WT1: variants seen among roughly 807,000 people sequenced by gnomAD.
WT1 encodes the protein WT1 transcription factor.
A neutral mutation model predicts 60.8 loss-of-function variants in WT1; 8 were observed. That is an observed-to-expected ratio of 0.13 (90% CI 0.08 to 0.24). The LOEUF is 0.24. Ranked by LOEUF, WT1 falls within the 10% of genes least tolerant of loss-of-function variation. The probability of loss-of-function intolerance (pLI) is 1.00; values close to 1 mark genes in which losing one functional copy is unlikely to be tolerated. For synonymous variants in WT1, 312 were observed against 297.1 expected, an observed-to-expected ratio of 1.05 and a Z score of -0.52; for missense variants, 568 against 711.8, an observed-to-expected ratio of 0.80 and a Z score of 2.30.
intron 3 of WT1, among the ~76,000 whole-genome samples, chr11:32,418,603 T>A (rs1243329627): frequency 6.6e-6 from 1 of 152,182 alleles, no homozygotes; most frequent in Non-Finnish European, 1.5e-5. Context: ...GCATTTAATA[T>A]CCGATGTGTG....
At chr11:32,399,914 C>T (rs2132956199) in intron 6 of WT1, 34 bp downstream of exon 6, 1 of 1,608,556 alleles carries the variant, frequency 6.2e-7, no homozygotes, top group Non-Finnish European at 8.5e-7. Context: ...GGCAGTGCGG[C>T]CCCCTTCCCG....
In WT1 at chr11:32,414,885, A is replaced by G. The variant is rs1327212826; in HGVS notation, c.1016+1605T>C. Among the ~76,000 whole-genome samples the G allele has an allele frequency of 1.3e-5, 2 of 152,154 alleles. 1 individual carries two copies. Among genetic ancestry groups the G allele is most frequent in the African/African-American group, 4.8e-5 (2 of 41,506 alleles). ...GGGACTCCATATCAAAAAAAAAAAA[A>G]AAAAGAAATACATTTTTATTTCAGA... is the stretch of plus-strand genomic sequence containing the variant. On this transcript the variant is annotated intron_variant, in intron 5 of 9. Coordinates refer to ENST00000452863, the MANE Select transcript of WT1 (RefSeq NM_024426.6).
chr11:32,430,491 A>AGAGAGAGAGG lies in WT1; in HGVS notation c.662-1873_662-1872insCCTCTCTCTC, dbSNP rs757737927. 1.2e-5 allele frequency: 18 copies of AGAGAGAGAGG among 1,561,414 alleles called. No individual in the cohort carries two copies. The African/African-American group carries it at 2.4e-4, about 21-fold the overall frequency. On this transcript the variant is annotated intron_variant, in intron 1 of 9. Transcript: ENST00000452863. ...GAGAGAGAGAGAGAGAGAGAGAGAG[A>AGAGAGAGAGG]CGAAATAGAAGCTACGAAGAAGTTT...
chr11:32,411,575 G>T (rs184465287), intron 5 of WT1, among the ~76,000 whole-genome samples: 1 of 152,132 alleles, frequency 6.6e-6, no homozygotes, highest in African/African-American at 2.4e-5. Context: ...CCTTCTCTGC[G>T]TAGTTGTATT....
At chr11:32,408,431 C>A (rs1852388944) in intron 5 of WT1, among the ~76,000 whole-genome samples, 1 of 142,942 alleles carries the variant, frequency 7.0e-6, no homozygotes, top group Middle Eastern at 3.5e-3. Context: ...AGGAGAATCA[C>A]TTGAACCCAG....
chr11:32,391,615 G>C (rs1029439861), intron 9 of WT1, among the ~76,000 whole-genome samples: 1 of 152,176 alleles, frequency 6.6e-6, no homozygotes, highest in Non-Finnish European at 1.5e-5. Context: ...TAAATATTTG[G>C]CTTGCTAGAA....
intron 1 of WT1, chr11:32,430,763 G>T: frequency 1.5e-6 from 2 of 1,335,796 alleles, no homozygotes; most frequent in South Asian, 2.3e-5. Flanking sequence ...GGCAAAGACC[G>T]GCCTCAAACC....
intron 5 of WT1, among the ~76,000 whole-genome samples, chr11:32,415,721 G>T (rs530740765): frequency 1.3e-5 from 2 of 152,316 alleles, no homozygotes; most frequent in South Asian, 4.1e-4. Flanking sequence ...AGACAGGAGA[G>T]AAATAATTTA....
intron 6 of WT1, among the ~76,000 whole-genome samples, chr11:32,397,077 A>G (rs1448788545): frequency 6.6e-6 from 1 of 152,200 alleles, no homozygotes; most frequent in African/African-American, 2.4e-5. Flanking sequence ...CGTCCTTTGC[A>G]GGGCATCTGT....
At position 32,389,068 on chromosome 11, in the gene WT1, A is replaced by G. The variant is rs774228907; in HGVS notation, c.1559T>C (p.Leu520Pro). Residue 520 changes from leucine to proline, a missense_variant, in exon 10 of 10, where the codon CTG becomes CCG. Leu to Pro is a moderately conservative substitution (Grantham distance 98). This residue lies in a region of WT1 where 29 missense variants were observed against 46.8 expected (regional missense o/e 0.62). Transcript: ENST00000452863. ...CCCGAGGGAGACCCCTCAAAGCGCC[A>G]GCTGGAGTTTGGTCATGTTTCTCTG... The G allele has an allele frequency of 2.4e-5, 39 of 1,614,126 alleles. No individual in the cohort carries two copies. Among genetic ancestry groups the G allele is most frequent in the Non-Finnish European group, 3.1e-5 (36 of 1,180,038 alleles).
intron 3 of WT1, among the ~76,000 whole-genome samples, chr11:32,423,977 A>G (rs952249098): frequency 4.6e-5 from 7 of 152,190 alleles, no homozygotes; most frequent in Admixed American, 1.3e-4. Flanking sequence ...CCTGGCTAAC[A>G]CGGTGAAACC....
At chr11:32,398,422 C>T (rs534371896) in intron 6 of WT1, among the ~76,000 whole-genome samples, 38 of 152,334 alleles carry the variant, frequency 2.5e-4, no homozygotes, top group South Asian at 4.1e-4. Flanking sequence ...GGAAGGCAGA[C>T]TGAAGGTCTA....
intron 1 of WT1, chr11:32,428,825 C>G (rs991472636): frequency 1.5e-5 from 11 of 713,812 alleles, no homozygotes; most frequent in Non-Finnish European, 2.6e-5. Context: ...ACAGGCTTCT[C>G]CATCCTTTTC....
intron 1 of WT1, among the ~76,000 whole-genome samples, chr11:32,431,713 C>T (rs1188281247): frequency 6.6e-6 from 1 of 151,984 alleles, no homozygotes; most frequent in Non-Finnish European, 1.5e-5. Context: ...GCGTCCGGCC[C>T]AAGCAAGCTT....
At chr11:32,390,473 A>T (rs1851783828) in intron 9 of WT1, among the ~76,000 whole-genome samples, 1 of 152,208 alleles carries the variant, frequency 6.6e-6, no homozygotes, top group African/African-American at 2.4e-5. Context: ...GCACCTGAGG[A>T]AGGGAAGCAA....
At chr11:32,399,560 AG>A (rs1852082990) in intron 6 of WT1, among the ~76,000 whole-genome samples, 1 of 152,232 alleles carries the variant, frequency 6.6e-6, no homozygotes, top group Non-Finnish European at 1.5e-5. Flanking sequence ...ACACTTGGCA[AG>A]ATGTGAGTCT....
chr11:32,397,335 A>G (rs1852004109), intron 6 of WT1, among the ~76,000 whole-genome samples: 1 of 152,064 alleles, frequency 6.6e-6, no homozygotes, highest in Non-Finnish European at 1.5e-5. Flanking sequence ...GTTTGTTCTT[A>G]AGACAGGATC....
chr11:32,430,676 G>C, intron 1 of WT1: 5 of 1,442,512 alleles, frequency 3.5e-6, no homozygotes, highest in Non-Finnish European at 4.5e-6. Flanking sequence ...CCGCACCCCA[G>C]AACTCGGGCC....
chr11:32,396,309 A>G lies in WT1; in HGVS notation c.1212T>C (p.Asn404=), dbSNP rs1184250193. 1.2e-6 allele frequency: 2 copies of G among 1,614,136 alleles called. No homozygotes were observed. Among genetic ancestry groups the G allele is most frequent in the Admixed American group, 1.7e-5 (1 of 60,020 alleles). The change falls in exon 7 of 10, where the codon AAT becomes AAC. Residue 404 remains asparagine, a synonymous_variant. Transcript: ENST00000452863. ...AGTGGGACAGCTTAAAATATCTCTTATTGCAGCCTGGGTAAGCACACATGA... is the reference window on the plus strand; with the variant it reads ...AGTGGGACAGCTTAAAATATCTCTTGTTGCAGCCTGGGTAAGCACACATGA...
Sources: allele counts gnomAD v4.1 joint callset (sites outside exome capture counted in the v4.1 genomes callset), GRCh38; gene constraint gnomAD v4.1.1; regional missense constraint gnomAD v4.1.1; transcripts MANE v1.5; gene names NCBI Gene and HGNC (gene_info 2026-07-23, HGNC 2026-07-21).